The following ADAMTSL1 variants were observed in gnomAD, a reference collection of about 807,000 sequenced individuals.
ADAMTSL1 encodes ADAMTS like 1.
Under a neutral mutation model 201.8 loss-of-function variants are expected in ADAMTSL1, and 126 were observed. The ratio of observed to expected loss-of-function variants is 0.62; its 90% CI spans 0.54 to 0.72. The LOEUF is 0.72. Ranked by LOEUF, ADAMTSL1 falls within the 30% of genes least tolerant of loss-of-function variation. ADAMTSL1 has a pLI of 0.00. For synonymous variants in ADAMTSL1, 1,121 were observed against 903.4 expected (o/e 1.24, Z -4.32); for missense variants, 2,679 against 2,277.8 (o/e 1.18, Z -3.59).
At chr9:18,281,041 A>C (rs1222036393) in intron 2 of ADAMTSL1, among the ~76,000 whole-genome samples, 1 of 151,974 alleles carries the variant, frequency 6.6e-6, no homozygotes, top group Admixed American at 6.6e-5. Flanking sequence ...ACGCCTGACT[A>C]ATCTTTAAAC....
intron 5 of ADAMTSL1, among the ~76,000 whole-genome samples, chr9:18,625,905 C>T (rs965887529): frequency 1.3e-5 from 2 of 152,174 alleles, no homozygotes; most frequent in African/African-American, 4.8e-5. Context: ...AAATGTGCTT[C>T]TCAGACTGTG....
intron 16 of ADAMTSL1, among the ~76,000 whole-genome samples, chr9:18,764,538 G>A (rs28403252): frequency 0.15 from 22,150 of 152,184 alleles, 1,711 homozygotes; most frequent in Middle Eastern, 0.19. Context: ...TTTTGAGCTG[G>A]ACCTTCAAGC....
chr9:18,820,140 C>T (rs1206298833), intron 21 of ADAMTSL1, among the ~76,000 whole-genome samples: 1 of 152,168 alleles, frequency 6.6e-6, no homozygotes, highest in East Asian at 1.9e-4. Flanking sequence ...GGAAGAGGGA[C>T]TCCATAAGGG....
intron 2 of ADAMTSL1, among the ~76,000 whole-genome samples, chr9:18,191,902 T>G (rs1172757402): frequency 1.3e-5 from 2 of 152,150 alleles, no homozygotes; most frequent in Non-Finnish European, 2.9e-5. Context: ...TAAAAGGGAT[T>G]CTTAGAATCT....
chr9:18,387,294 G>A (rs1249485332), intron 2 of ADAMTSL1, among the ~76,000 whole-genome samples: 4 of 151,986 alleles, frequency 2.6e-5, no homozygotes, highest in South Asian at 4.2e-4. Flanking sequence ...TGTGCCCATT[G>A]CCAAGTTTCA....
chr9:18,760,684 G>A (rs1330474441), intron 16 of ADAMTSL1, among the ~76,000 whole-genome samples: 1 of 152,138 alleles, frequency 6.6e-6, no homozygotes, highest in Admixed American at 6.5e-5. Context: ...TTCACCATGT[G>A]CTCCTAATCT....
Position 18,876,301 on chromosome 9 carries a change from C to CGTGTGTGTGTGTGTGTGTGTGTGTGT in ADAMTSL1, c.4250-11526_4250-11501dup, listed in dbSNP as rs59150507. Among the ~76,000 whole-genome samples, 32 of 139,720 alleles carry CGTGTGTGTGTGTGTGTGTGTGTGTGT rather than the reference C, an allele frequency of 2.3e-4. 1 individual carries two copies. Among genetic ancestry groups the CGTGTGTGTGTGTGTGTGTGTGTGTGT allele is most frequent in the East Asian group, 1.3e-3 (6 of 4,710 alleles). 91.7% of individuals were successfully genotyped at this position (139,720 alleles called of 152,430 possible). A position where few individuals can be genotyped will look rare whatever the true frequency, so the allele number is the denominator to read the frequency against. ...TATTGTGCTAGTTGTTGCCTGAATA[C>CGTGTGTGTGTGTGTGTGTGTGTGTGT]GTGTGTGTGTGTGTGTGTGTGTGTG... On this transcript the variant is annotated intron_variant, in intron 23 of 28. Transcript: ENST00000380548.
intron 8 of ADAMTSL1, among the ~76,000 whole-genome samples, chr9:18,659,207 A>G (rs1828904761): frequency 6.6e-6 from 1 of 152,208 alleles, no homozygotes; most frequent in Non-Finnish European, 1.5e-5. Context: ...AGTACCTGAA[A>G]ATGGAGACAA....
intron 1 of ADAMTSL1, among the ~76,000 whole-genome samples, chr9:18,078,433 C>T (rs1249707358): frequency 1.3e-5 from 2 of 152,174 alleles, no homozygotes; most frequent in Non-Finnish European, 2.9e-5. Context: ...ATAAGCCTTT[C>T]TTCCCCTACC....
At position 18,744,944 on chromosome 9, in the gene ADAMTSL1, T is replaced by C. The variant is rs149014669; in HGVS notation, c.2007-8354T>C. ...ATTTTTGACAGAAATAACACAGAAG[T>C]GTGCTATGTTCTTCTTAGTACCTCA... On this transcript the variant is annotated intron_variant, in intron 15 of 28. Transcript: ENST00000380548. 4.0e-3 allele frequency among the ~76,000 whole-genome samples: 615 copies of C among 152,308 alleles called. 6 individuals are homozygous for C. Among genetic ancestry groups the C allele is most frequent in the African/African-American group, 0.014 (585 of 41,570 alleles).
intron 2 of ADAMTSL1, among the ~76,000 whole-genome samples, chr9:18,268,946 C>G (rs958332455): frequency 5.3e-5 from 8 of 152,034 alleles, no homozygotes; most frequent in African/African-American, 1.7e-4. Flanking sequence ...CAGTATCATT[C>G]AGAATCTCAA....
intron 8 of ADAMTSL1, among the ~76,000 whole-genome samples, chr9:18,658,141 A>AT (rs1039977428): frequency 7.2e-5 from 11 of 151,990 alleles, no homozygotes; most frequent in African/African-American, 2.7e-4. Flanking sequence ...CGCCCGGCTA[A>AT]TTTTTTGTAT....
chr9:18,644,373 T>A (rs1827647542), intron 7 of ADAMTSL1, among the ~76,000 whole-genome samples: 1 of 144,082 alleles, frequency 6.9e-6, no homozygotes, highest in Non-Finnish European at 1.6e-5. Flanking sequence ...GAATTTTATT[T>A]TTTTTATTTT....
chr9:18,016,657 G>C (rs181979737), intron 1 of ADAMTSL1, among the ~76,000 whole-genome samples: 1 of 151,998 alleles, frequency 6.6e-6, no homozygotes, highest in Non-Finnish European at 1.5e-5. Context: ...AGAAGAAAGA[G>C]ACTCAGTTAC....
intron 1 of ADAMTSL1, among the ~76,000 whole-genome samples, chr9:17,927,425 T>C (rs1454032835): frequency 1.3e-5 from 2 of 152,008 alleles, no homozygotes; most frequent in East Asian, 3.9e-4. Flanking sequence ...TATATACATG[T>C]ATACATATAT....
At chr9:18,625,839 T>C (rs1229498398) in intron 5 of ADAMTSL1, among the ~76,000 whole-genome samples, 1 of 152,232 alleles carries the variant, frequency 6.6e-6, no homozygotes, top group African/African-American at 2.4e-5. Flanking sequence ...CTTTCTTGCA[T>C]GGTGAGGTCA....
intron 2 of ADAMTSL1, among the ~76,000 whole-genome samples, chr9:18,532,038 A>G (rs1819476079): frequency 6.6e-6 from 1 of 152,198 alleles, no homozygotes; most frequent in African/African-American, 2.4e-5. Context: ...CAAACTTATA[A>G]ATGTACCTGG....
intron 1 of ADAMTSL1, among the ~76,000 whole-genome samples, chr9:18,098,723 T>C (rs1191821710): frequency 1.3e-5 from 2 of 152,222 alleles, no homozygotes; most frequent in Non-Finnish European, 2.9e-5. Context: ...GTTAGAATTC[T>C]GGGCACCTTC....
intron 1 of ADAMTSL1, among the ~76,000 whole-genome samples, chr9:17,991,465 C>A (rs59993115): frequency 0.036 from 5,422 of 152,156 alleles, 311 homozygotes; most frequent in African/African-American, 0.12. Context: ...AACTCAGGAG[C>A]CAGTTGATGC....
Sources: gnomAD v4.1 joint callset for allele counts (sites outside exome capture counted in the v4.1 genomes callset) on GRCh38, gnomAD v4.1.1 for gene constraint, MANE v1.5 for transcripts, NCBI Gene and HGNC (gene_info 2026-07-23, HGNC 2026-07-21) for gene names.